The following PCDHGB2 variants were observed in gnomAD, a reference collection of about 807,000 sequenced individuals.
PCDHGB2 encodes protocadherin gamma subfamily B, 2.
PCDHGB2 carries 55 observed loss-of-function variants against 59.3 expected under a neutral mutation model. The ratio of observed to expected loss-of-function variants is 0.93; its 90% confidence interval spans 0.75 to 1.16. The LOEUF is 1.16. PCDHGB2 is among the 50% of genes most tolerant of loss of function. The pLI is 0.00. For synonymous variants in PCDHGB2, 516 were observed against 512.0 expected (o/e 1.01, Z -0.11); for missense variants, 1,228 against 1,198.5 (o/e 1.02, Z -0.36).
chr5:141,394,410 A>G, intron 1 of PCDHGB2: 1 of 1,614,210 alleles, frequency 6.2e-7, no homozygotes, highest in Non-Finnish European at 8.5e-7. Context: ...GCTACTGGTA[A>G]CAGCCAGCGA....
intron 1 of PCDHGB2, chr5:141,399,954 G>A (rs1327007587): frequency 3.7e-6 from 6 of 1,612,110 alleles, no homozygotes; most frequent in Non-Finnish European, 4.2e-6. Context: ...AGGCTAGCGA[G>A]CCCGGGCTCT....
chr5:141,414,212 A>G (rs778319178), intron 1 of PCDHGB2: 1 of 1,612,944 alleles, frequency 6.2e-7, no homozygotes, highest in Admixed American at 1.7e-5. Flanking sequence ...GATGTAAATG[A>G]CAACAGTCCA....
At chr5:141,418,904 A>C (rs2096300166) in intron 1 of PCDHGB2, 1 of 1,613,998 alleles carries the variant, frequency 6.2e-7, no homozygotes, top group Admixed American at 1.7e-5. Context: ...AGAAATAATC[A>C]TCACGTCACT....
chr5:141,398,051 C>T, intron 1 of PCDHGB2: 1 of 1,512,220 alleles, frequency 6.6e-7, no homozygotes, highest in Non-Finnish European at 8.9e-7. Flanking sequence ...GTTCGGAGAT[C>T]CAAAAATCTA....
At chr5:141,488,213 C>T (rs1261280988) in intron 1 of PCDHGB2, among the ~76,000 whole-genome samples, 1 of 152,118 alleles carries the variant, frequency 6.6e-6, no homozygotes, top group Non-Finnish European at 1.5e-5. Context: ...CATATCAAGT[C>T]CCTACTGGGG....
chr5:141,416,378 A>C (rs2096019434), intron 1 of PCDHGB2: 1 of 152,230 alleles, frequency 6.6e-6, no homozygotes, highest in South Asian at 2.1e-4. Flanking sequence ...GAAATTAAGA[A>C]TATTTGGGAT....
chr5:141,375,706 T>A lies in PCDHGB2; in HGVS notation c.2421+13150T>A, dbSNP rs1771783904. 12 of 1,614,114 alleles carry A rather than the reference T, an allele frequency of 7.4e-6. No individual in the cohort carries two copies. The East Asian group carries it at 2.2e-4, about 30-fold the overall frequency. On this transcript the variant is annotated intron_variant, in intron 1 of 3. Coordinates refer to ENST00000522605, the MANE Select transcript of PCDHGB2 (RefSeq NM_018923.3). ...CAGCCAGCGACAGCGGGGACCCGCCTCTTAGCAGCAACGTGTCACTGAGCC... is the reference window on the plus strand; with the variant it reads ...CAGCCAGCGACAGCGGGGACCCGCCACTTAGCAGCAACGTGTCACTGAGCC...
At chr5:141,478,963 A>G (rs193236728) in intron 1 of PCDHGB2, among the ~76,000 whole-genome samples, 5 of 152,322 alleles carry the variant, frequency 3.3e-5, no homozygotes, top group East Asian at 1.9e-4. Context: ...TCATTCCTCC[A>G]CCTTTCAAGT....
chr5:141,375,250 T>C (rs1771286937), intron 1 of PCDHGB2: 3 of 1,613,664 alleles, frequency 1.9e-6, no homozygotes, highest in Non-Finnish European at 2.5e-6. Context: ...TCCCGAGAAG[T>C]CTCCCATTTG....
At position 141,485,568 on chromosome 5, in the gene PCDHGB2, G is replaced by T. The variant is rs1020556289; in HGVS notation, c.2422-9239G>T. 6.2e-7 allele frequency: 1 copy of T among 1,612,758 alleles called. No homozygotes were observed. Among genetic ancestry groups the T allele is most frequent in the Non-Finnish European group, 8.5e-7 (1 of 1,178,924 alleles). On this transcript the variant is annotated intron_variant, in intron 1 of 3. Coordinates refer to ENST00000522605, the MANE Select transcript of PCDHGB2 (RefSeq NM_018923.3). The surrounding 1 kb of genome is among the most constrained non-coding windows in gnomAD (Gnocchi z 5.7). Reference sequence around the variant, plus strand: ...GTAGATGTGAATGATCACGCCCCCCGTTTTCCGCGGCAGCAGCTGGACTTG... The same window carrying T: ...GTAGATGTGAATGATCACGCCCCCCTTTTTCCGCGGCAGCAGCTGGACTTG...
At chr5:141,407,453 C>T (rs914537742) in intron 1 of PCDHGB2, among the ~76,000 whole-genome samples, 4 of 148,722 alleles carry the variant, frequency 2.7e-5, no homozygotes, top group Non-Finnish European at 6.0e-5. Flanking sequence ...ACACGAGGCT[C>T]ACCAGACAGA....
At position 141,494,758 on chromosome 5, in the gene PCDHGB2, T is replaced by C. The variant is rs370692038; in HGVS notation, c.2422-49T>C. ...CCATCCCTAGGGGCTCGGGTGACAT[T>C]CTAACTTCTCACGGGTACTCAGCCC... On this transcript the variant is annotated intron_variant, in intron 1 of 3. Transcript: ENST00000522605. The C allele has an allele frequency of 1.3e-5, 21 of 1,613,682 alleles. No homozygotes were observed. The African/African-American group carries it at 2.7e-4, about 21-fold the overall frequency.
chr5:141,431,462 G>A lies in PCDHGB2; in HGVS notation c.2422-63345G>A. ...GCGCATCCGCGTGATGGTTCTGGAT[G>A]CGAACGACAACGCACCAGCGTTTGC... On this transcript the variant is annotated intron_variant, in intron 1 of 3. Transcript: ENST00000522605. This position sits in a 1 kb window ranked among gnomAD's most constrained non-coding sequence, Gnocchi z 4.8. 6.2e-7 allele frequency: 1 copy of A among 1,613,826 alleles called. No individual in the cohort carries two copies. The highest frequency in any genetic ancestry group is 2.2e-5 in the East Asian group (1 of 44,886).
At position 141,433,358 on chromosome 5, in the gene PCDHGB2, C is replaced by CTATCTAT. The variant is rs2097585632; in HGVS notation, c.2422-61449_2422-61448insTATCTAT. ...ACAGGTGCAAGCCACCTACTGTCTG[C>CTATCTAT]CTATCTATCTATCTATCTATCTATC... On this transcript the variant is annotated intron_variant, in intron 1 of 3. Coordinates refer to ENST00000522605, the MANE Select transcript of PCDHGB2 (RefSeq NM_018923.3). 11 of 503,932 alleles carry CTATCTAT rather than the reference C, an allele frequency of 2.2e-5. No individual in the cohort carries two copies. The African/African-American group carries it at 2.3e-4, about 10-fold the overall frequency. The allele number at this position is 503,932 out of a possible 1,614,324, so 31.2% of individuals were successfully genotyped here.
chr5:141,374,427 A>G, intron 1 of PCDHGB2: 3 of 1,613,980 alleles, frequency 1.9e-6, no homozygotes, highest in Non-Finnish European at 2.5e-6. Context: ...GATAAACTGA[A>G]TCTTTATCCC....
chr5:141,440,980 C>T (rs972732898), intron 1 of PCDHGB2: 1 of 152,242 alleles, frequency 6.6e-6, no homozygotes. Context: ...GCTTCACAAC[C>T]CAGAGTACCC....
In PCDHGB2 at chr5:141,476,533, A is replaced by G; in HGVS notation, c.2422-18274A>G. 6.2e-7 allele frequency: 1 copy of G among 1,614,184 alleles called. No individual in the cohort carries two copies. Among genetic ancestry groups the G allele is most frequent in the Non-Finnish European group, 8.5e-7 (1 of 1,180,022 alleles). On this transcript the variant is annotated intron_variant, in intron 1 of 3. Transcript: ENST00000522605. The surrounding 1 kb of genome is among the most constrained non-coding windows in gnomAD (Gnocchi z 7.6). ...ACAATCCTGCTTTCCCTACCCAGGA[A>G]ATGAAATTGGAGATTAGCGAGGCCG...
intron 1 of PCDHGB2, chr5:141,371,738 C>T: frequency 1.2e-6 from 2 of 1,614,052 alleles, no homozygotes; most frequent in Non-Finnish European, 1.7e-6. Context: ...TCAACGACAA[C>T]GTTCCCGTTT....
chr5:141,418,902 T>A, intron 1 of PCDHGB2: 3 of 1,613,930 alleles, frequency 1.9e-6, no homozygotes, highest in Non-Finnish European at 2.5e-6. Context: ...CCAGAAATAA[T>A]CATCACGTCA....
Sources: gnomAD v4.1 joint callset for allele counts (sites outside exome capture counted in the v4.1 genomes callset) on GRCh38, gnomAD v4.1.1 for gene constraint, Gnocchi (gnomAD v3.1) non-coding constraint, MANE v1.5 for transcripts, NCBI Gene and HGNC (gene_info 2026-07-23, HGNC 2026-07-21) for gene names.